The following PHACTR1 variants were observed in gnomAD, a reference collection of about 807,000 sequenced individuals.
PHACTR1 encodes the protein RPEL repeat containing 1.
In PHACTR1, 16 loss-of-function variants were observed where a neutral mutation model predicts 69.2. The ratio of observed to expected loss-of-function variants is 0.23; its 90% CI spans 0.16 to 0.35. The LOEUF (loss-of-function observed/expected upper bound fraction) is 0.35. Ranked by LOEUF, PHACTR1 falls within the 10% of genes least tolerant of loss-of-function variation. The pLI is 1.00. For missense variants in PHACTR1, 510 were observed against 734.7 expected, an observed-to-expected ratio of 0.69 and a Z score of 3.54; for synonymous variants, 312 against 284.5, an observed-to-expected ratio of 1.10 and a Z score of -0.97.
intron 8 of PHACTR1, among the ~76,000 whole-genome samples, chr6:13,226,493 C>T (rs971146266): frequency 6.6e-5 from 10 of 152,042 alleles, no homozygotes; most frequent in African/African-American, 2.4e-4. Context: ...CATTGAGTTT[C>T]CTGTATTTAG....
intron 5 of PHACTR1, among the ~76,000 whole-genome samples, chr6:13,151,216 T>C (rs1168088959): frequency 6.6e-6 from 1 of 152,224 alleles, no homozygotes; most frequent in East Asian, 1.9e-4. Flanking sequence ...CTTCAGAATG[T>C]AATTTAAAGG....
At chr6:12,773,775 C>T (rs886819543) in intron 4 of PHACTR1, among the ~76,000 whole-genome samples, 5 of 152,170 alleles carry the variant, frequency 3.3e-5, no homozygotes, top group Non-Finnish European at 7.3e-5. Flanking sequence ...AAATACCAAA[C>T]TTTGACAAAA....
At chr6:13,285,049 G>C (rs565904344) in intron 13 of PHACTR1, among the ~76,000 whole-genome samples, 1 of 152,256 alleles carries the variant, frequency 6.6e-6, no homozygotes, top group South Asian at 2.1e-4. Flanking sequence ...GAAGAGGAAG[G>C]GGCTTTCACT....
chr6:12,718,801 G>C lies in PHACTR1; in HGVS notation c.57G>C (p.Leu19Phe), dbSNP rs749159097. ...FLDVESAHRL[L>F]DVESAQRFFY... ...ATGTAGAGTCTGCTCACAGACTCTT[G>C]GATGTTGAGTCAGCTCAAAGATTCT... Residue 19 changes from leucine to phenylalanine, a missense_variant, in exon 3 of 15, where the codon TTG (leucine) becomes TTC (phenylalanine). Coordinates refer to ENST00000332995, the MANE Select transcript of PHACTR1 (RefSeq NM_030948.6). 8 of 1,573,402 alleles carry C rather than the reference G, an allele frequency of 5.1e-6. No homozygotes were observed. The highest frequency in any genetic ancestry group is 1.8e-5 in the Admixed American group (1 of 54,464).
intron 4 of PHACTR1, among the ~76,000 whole-genome samples, chr6:12,784,658 G>A (rs934753823): frequency 6.6e-6 from 1 of 151,734 alleles, no homozygotes; most frequent in African/African-American, 2.4e-5. Context: ...ATACATATAT[G>A]TAATGATATA....
At position 12,949,269 on chromosome 6, in the gene PHACTR1, C is replaced by CAA. The variant is rs201027793; in HGVS notation, c.251-104079_251-104078dup. On this transcript the variant is annotated intron_variant, in intron 4 of 14. Transcript: ENST00000332995. ...GGGCAACAAGAGCGAAACGTCATCTCAAAAAAAAAAAAAAAAAAGAAAGAA... is the reference window on the plus strand; with the variant it reads ...GGGCAACAAGAGCGAAACGTCATCTCAAAAAAAAAAAAAAAAAAAAGAAAGAA... Among the ~76,000 whole-genome samples the CAA allele has an allele frequency of 2.7e-3, 153 of 56,954 alleles. 1 individual carries two copies. The highest frequency in any genetic ancestry group is 8.8e-3 in the Middle Eastern group (1 of 114). The allele number at this position is 56,954 out of a possible 152,430, so 37.4% of individuals were successfully genotyped here.
At chr6:12,989,939 T>C (rs1296427313) in intron 4 of PHACTR1, among the ~76,000 whole-genome samples, 1 of 152,182 alleles carries the variant, frequency 6.6e-6, no homozygotes, top group Non-Finnish European at 1.5e-5. Flanking sequence ...CACATTTCAG[T>C]GTTCTAAAGG....
intron 4 of PHACTR1, among the ~76,000 whole-genome samples, chr6:12,795,666 G>T (rs1287147799): frequency 6.6e-6 from 1 of 151,928 alleles, no homozygotes; most frequent in Admixed American, 6.6e-5. Context: ...TTTTCATTGT[G>T]CCCATACATA....
intron 4 of PHACTR1, among the ~76,000 whole-genome samples, chr6:13,028,206 G>A (rs1167413773): frequency 6.6e-6 from 1 of 152,144 alleles, no homozygotes; most frequent in East Asian, 1.9e-4. Context: ...TTAATGTGCT[G>A]CGTTAGAATC....
At chr6:12,808,162 A>G (rs1255112213) in intron 4 of PHACTR1, among the ~76,000 whole-genome samples, 1 of 152,204 alleles carries the variant, frequency 6.6e-6, no homozygotes, top group Non-Finnish European at 1.5e-5. Flanking sequence ...AATATGATTC[A>G]TTGTAAGCAC....
chr6:12,740,578 A>C (rs931750731), intron 3 of PHACTR1, among the ~76,000 whole-genome samples: 51 of 152,312 alleles, frequency 3.3e-4, no homozygotes, highest in African/African-American at 1.2e-3. Context: ...CATTTAAAAA[A>C]AATTGAGTTG....
chr6:12,896,503 C>T (rs1239381759), intron 4 of PHACTR1, among the ~76,000 whole-genome samples: 3 of 152,150 alleles, frequency 2.0e-5, no homozygotes, highest in East Asian at 3.9e-4. Flanking sequence ...GCCCGGATCA[C>T]GGAGGCCCAC....
At chr6:12,853,597 C>G (rs1780038659) in intron 4 of PHACTR1, among the ~76,000 whole-genome samples, 1 of 152,186 alleles carries the variant, frequency 6.6e-6, no homozygotes, top group African/African-American at 2.4e-5. Context: ...GTTTGATTGA[C>G]TCATGGTTCC....
chr6:13,079,110 T>G (rs1810988363), intron 5 of PHACTR1, among the ~76,000 whole-genome samples: 2 of 152,182 alleles, frequency 1.3e-5, no homozygotes, highest in Non-Finnish European at 2.9e-5. Flanking sequence ...TTCATCCTCA[T>G]AAGGCATATA....
chr6:12,729,628 C>T (rs1353776938), intron 3 of PHACTR1, among the ~76,000 whole-genome samples: 1 of 152,106 alleles, frequency 6.6e-6, no homozygotes, highest in African/African-American at 2.4e-5. Context: ...CCAAGGAATC[C>T]CAAAGCTGAT....
At chr6:13,220,356 C>T (rs1768414493) in intron 8 of PHACTR1, among the ~76,000 whole-genome samples, 1 of 152,162 alleles carries the variant, frequency 6.6e-6, no homozygotes, top group Non-Finnish European at 1.5e-5. Context: ...AGAAATTCAT[C>T]TGTTTTTCCC....
chr6:12,860,069 G>A (rs560941581), intron 4 of PHACTR1, among the ~76,000 whole-genome samples: 1 of 151,818 alleles, frequency 6.6e-6, no homozygotes, highest in East Asian at 1.9e-4. Context: ...TTGTTACATA[G>A]GTATACATGT....
chr6:13,121,623 G>A (rs559078188), intron 5 of PHACTR1, among the ~76,000 whole-genome samples: 7 of 152,244 alleles, frequency 4.6e-5, no homozygotes, highest in Admixed American at 2.0e-4. Context: ...TATAAGCAAC[G>A]GAGAGACATG....
At chr6:13,021,791 C>T (rs6900887) in intron 4 of PHACTR1, among the ~76,000 whole-genome samples, 2,223 of 152,316 alleles carry the variant, frequency 0.015, 50 homozygotes, top group African/African-American at 0.049. Context: ...AAAGAGTTAA[C>T]TCAGTCCACT....
Sources: gnomAD v4.1 joint callset for allele counts (sites outside exome capture counted in the v4.1 genomes callset) on GRCh38, gnomAD v4.1.1 for gene constraint, MANE v1.5 for transcripts, NCBI Gene and HGNC (gene_info 2026-07-23, HGNC 2026-07-21) for gene names.